SPAG17: variants seen among roughly 807,000 people sequenced by gnomAD.
The protein encoded by SPAG17 is sperm-associated antigen 17.
In SPAG17, 169 loss-of-function variants were observed where a neutral mutation model predicts 273.6. The ratio of observed to expected loss-of-function variants is 0.62; its 90% confidence interval spans 0.55 to 0.70. The LOEUF (loss-of-function observed/expected upper bound fraction) is 0.70, where lower values mean the gene tolerates loss of function less well. SPAG17 is among the 30% of genes least tolerant of loss of function. SPAG17 has a pLI of 0.00. For missense variants in SPAG17, 2,557 were observed against 2,627.8 expected (o/e 0.97, Z 0.59); for synonymous variants, 825 against 873.2 (o/e 0.94, Z 0.97).
intron 7 of SPAG17, among the ~76,000 whole-genome samples, chr1:118,097,212 A>G (rs1655765283): frequency 6.7e-6 from 1 of 149,900 alleles, no homozygotes; most frequent in South Asian, 2.2e-4. Context: ...CCTGGGCAAC[A>G]GAGCAAGACT....
intron 12 of SPAG17, 85 bp from the exon 13 acceptor site, chr1:118,086,157 C>G (rs1654978192): frequency 8.2e-7 from 1 of 1,223,476 alleles, no homozygotes; most frequent in Admixed American, 2.5e-5. Context: ...AACATGATAC[C>G]TTCACCCTCA....
chr1:118,120,197 TGAA>T (rs1371882060), intron 3 of SPAG17, among the ~76,000 whole-genome samples: 2 of 152,174 alleles, frequency 1.3e-5, no homozygotes, highest in Non-Finnish European at 2.9e-5. Context: ...TCTGTGATGA[TGAA>T]AATATTCTTT....
At chr1:117,990,217 G>C (rs1236105471) in intron 38 of SPAG17, among the ~76,000 whole-genome samples, 1 of 152,172 alleles carries the variant, frequency 6.6e-6, no homozygotes, top group Non-Finnish European at 1.5e-5. Flanking sequence ...AAAAACAACT[G>C]TACAAGCCCA....
In SPAG17 at chr1:117,954,040, C is replaced by T. The variant is rs1452692018; in HGVS notation, c.*10G>A. ...GATTATGGAGGCTATTGAGTTGTACCGAGAAGAAACTGCAAAAATGAAGGA... is the reference window on the plus strand; with the variant it reads ...GATTATGGAGGCTATTGAGTTGTACTGAGAAGAAACTGCAAAAATGAAGGA... On this transcript the variant is annotated 3_prime_UTR_variant, in exon 49 of 49. Transcript: ENST00000336338. 22 of 1,611,512 alleles carry T rather than the reference C, an allele frequency of 1.4e-5. No individual in the cohort carries two copies. The Admixed American group carries it at 1.7e-4, about 12-fold the overall frequency.
intron 20 of SPAG17, among the ~76,000 whole-genome samples, chr1:118,043,011 A>G (rs1356105102): frequency 6.6e-6 from 1 of 152,248 alleles, no homozygotes; most frequent in Non-Finnish European, 1.5e-5. Flanking sequence ...ATGCAGAAAT[A>G]AACCACTTTG....
chr1:118,181,101 C>A (rs568233327), intron 1 of SPAG17, among the ~76,000 whole-genome samples: 90 of 151,336 alleles, frequency 5.9e-4, no homozygotes, highest in South Asian at 3.3e-3. Flanking sequence ...ATATGTAATC[C>A]CCATGGTAAC....
intron 20 of SPAG17, among the ~76,000 whole-genome samples, chr1:118,042,365 T>A (rs1649869990): frequency 1.3e-5 from 2 of 152,172 alleles, no homozygotes; most frequent in African/African-American, 2.4e-5. Context: ...TCTCCCAGTC[T>A]CCTATCCTCC....
chr1:118,011,427 C>T (rs1021047950), intron 30 of SPAG17, among the ~76,000 whole-genome samples: 1 of 152,030 alleles, frequency 6.6e-6, no homozygotes, highest in African/African-American at 2.4e-5. Context: ...TGCTGGAAAA[C>T]GCATGGAGCT....
At chr1:118,119,235 G>A (rs995848920) in intron 3 of SPAG17, among the ~76,000 whole-genome samples, 1 of 152,206 alleles carries the variant, frequency 6.6e-6, no homozygotes, top group African/African-American at 2.4e-5. Flanking sequence ...GATTTCCCTT[G>A]TGTGTTGACA....
At chr1:118,050,666 T>C (rs1650892338) in intron 20 of SPAG17, among the ~76,000 whole-genome samples, 1 of 152,186 alleles carries the variant, frequency 6.6e-6, no homozygotes. Flanking sequence ...TTTCAATAAA[T>C]GGTGCTGGGA....
In SPAG17 at chr1:118,081,083, AC is replaced by A. The variant is rs1654520867; in HGVS notation, c.2209+17del. The A allele has an allele frequency of 1.9e-6, 3 of 1,547,194 alleles. No homozygotes were observed. Among genetic ancestry groups the A allele is most frequent in the African/African-American group, 2.7e-5 (2 of 72,958 alleles). On this transcript the variant is annotated intron_variant, in intron 15 of 48. Transcript: ENST00000336338. ...TACACACACACACACACACACACAC[AC>A]ACACACTTTAACTTACCCAGAGACT... is the stretch of plus-strand genomic sequence containing the variant.
intron 48 of SPAG17, chr1:117,957,243 T>C: frequency 1.3e-6 from 2 of 1,584,894 alleles, no homozygotes; most frequent in Non-Finnish European, 1.7e-6. Flanking sequence ...GCAGAACTGC[T>C]TCAGTAGTAC....
chr1:118,019,293 A>G (rs921816684), intron 28 of SPAG17, among the ~76,000 whole-genome samples: 2 of 152,210 alleles, frequency 1.3e-5, no homozygotes, highest in East Asian at 1.9e-4. Flanking sequence ...GACTAAAAAG[A>G]AGACAGATTA....
At chr1:118,047,627 G>A (rs536468834) in intron 20 of SPAG17, among the ~76,000 whole-genome samples, 10 of 152,184 alleles carry the variant, frequency 6.6e-5, no homozygotes, top group South Asian at 2.1e-4. Context: ...ATGCAGATCC[G>A]GCTTCCAGGC....
chr1:117,964,663 T>C (rs993746284), intron 47 of SPAG17: 2 of 152,182 alleles, frequency 1.3e-5, no homozygotes, highest in Non-Finnish European at 2.9e-5. Context: ...CTGCCATCAT[T>C]GTTTATGGTT....
chr1:118,019,273 C>T lies in SPAG17; in HGVS notation c.4070-3091G>A, dbSNP rs923476959. Among the ~76,000 whole-genome samples the T allele has an allele frequency of 4.0e-5, 6 of 150,966 alleles. No homozygotes were observed. In the East Asian group the frequency reaches 9.7e-4, roughly 24 times the overall value. ...ATGTGATTCCAGAAATAAAAAGGGG[C>T]CAAAAATATGACTAAAAAGAAGACA... On this transcript the variant is annotated intron_variant, in intron 28 of 48. Coordinates refer to ENST00000336338, the MANE Select transcript of SPAG17 (RefSeq NM_206996.4).
chr1:118,087,457 A>G (rs891986770), intron 10 of SPAG17, among the ~76,000 whole-genome samples: 1 of 152,206 alleles, frequency 6.6e-6, no homozygotes, highest in Non-Finnish European at 1.5e-5. Flanking sequence ...GCCTCACAGC[A>G]ATCTTGTGGG....
At chr1:118,053,943 T>C in intron 20 of SPAG17, 59 bp downstream of exon 20, 1 of 1,270,760 alleles carries the variant, frequency 7.9e-7, no homozygotes, top group Non-Finnish European at 1.1e-6. Flanking sequence ...TCAACCACTA[T>C]CCTGTTGTGT....
intron 2 of SPAG17, 55 bp from the exon 3 acceptor site, chr1:118,150,684 T>TA: frequency 1.0e-6 from 1 of 1,002,586 alleles, no homozygotes; most frequent in South Asian, 1.5e-5. Context: ...GAAGAATACT[T>TA]AGATATATGT....
Sources: allele counts gnomAD v4.1 joint callset (sites outside exome capture counted in the v4.1 genomes callset), GRCh38; gene constraint gnomAD v4.1.1; transcripts MANE v1.5; gene names NCBI Gene and HGNC (gene_info 2026-07-23, HGNC 2026-07-21).